The following CCSER1 variants were observed in gnomAD, a reference collection of about 807,000 sequenced individuals.
The protein encoded by CCSER1 is coiled-coil serine rich protein 1, also known as serine-rich coiled-coil domain-containing protein 1.
Under a neutral mutation model 82.0 loss-of-function variants are expected in CCSER1, and 41 were observed. That is an observed-to-expected ratio of 0.50 (90% CI 0.39 to 0.65). The LOEUF is 0.65. Ranked by LOEUF, CCSER1 falls within the 30% of genes least tolerant of loss-of-function variation. CCSER1 has a pLI of 0.00. For synonymous variants in CCSER1, 414 were observed against 383.9 expected (o/e 1.08, Z -0.92); for missense variants, 1,119 against 1,064.2 (o/e 1.05, Z -0.72).
intron 10 of CCSER1, among the ~76,000 whole-genome samples, chr4:91,144,998 G>A (rs1729408178): frequency 6.6e-6 from 1 of 152,006 alleles, no homozygotes; most frequent in Non-Finnish European, 1.5e-5. Context: ...TTGAATTTAA[G>A]TTCAGTATTT....
At chr4:90,213,931 T>G (rs1226605097) in intron 1 of CCSER1, among the ~76,000 whole-genome samples, 2 of 152,158 alleles carry the variant, frequency 1.3e-5, no homozygotes, top group African/African-American at 4.8e-5. Flanking sequence ...TTTGAATGAT[T>G]TAGCCATAAA....
intron 7 of CCSER1, among the ~76,000 whole-genome samples, chr4:90,755,771 G>T (rs549432715): frequency 6.4e-4 from 97 of 152,266 alleles, no homozygotes; most frequent in African/African-American, 2.2e-3. Flanking sequence ...ATTTGTGAAT[G>T]AAAGGACATT....
intron 1 of CCSER1, among the ~76,000 whole-genome samples, chr4:90,240,511 C>G (rs1286526465): frequency 6.6e-6 from 1 of 152,134 alleles, no homozygotes; most frequent in East Asian, 1.9e-4. Flanking sequence ...TGGAAGAGCC[C>G]CTTCCTCCTG....
Position 90,256,246 on chromosome 4 carries a change from C to T in CCSER1, c.-41-51998C>T, listed in dbSNP as rs142355375. ...TCTTCCTGCAGTCTTTGTGACCTGA[C>T]TCATTCTTTCTATTACAAAAATATG... On this transcript the variant is annotated intron_variant, in intron 1 of 10. Transcript: ENST00000509176. 4.9e-4 allele frequency among the ~76,000 whole-genome samples: 74 copies of T among 152,226 alleles called. No homozygotes were observed. In the East Asian group the frequency reaches 0.013, roughly 27 times the overall value.
intron 10 of CCSER1, among the ~76,000 whole-genome samples, chr4:91,551,012 A>G (rs909144608): frequency 2.6e-5 from 4 of 152,148 alleles, no homozygotes; most frequent in African/African-American, 9.7e-5. Context: ...CAGTAGCTCC[A>G]GATATACTCT....
chr4:91,347,989 T>C (rs1748180089), intron 10 of CCSER1, among the ~76,000 whole-genome samples: 1 of 152,058 alleles, frequency 6.6e-6, no homozygotes, highest in African/African-American at 2.4e-5. Flanking sequence ...TCTTATTTCA[T>C]TGGCTGGTAC....
intron 5 of CCSER1, among the ~76,000 whole-genome samples, chr4:90,521,621 G>T (rs1773149599): frequency 6.6e-6 from 1 of 152,012 alleles, no homozygotes; most frequent in Non-Finnish European, 1.5e-5. Flanking sequence ...AAAGCAAATA[G>T]ATGGAAACTG....
intron 10 of CCSER1, among the ~76,000 whole-genome samples, chr4:91,393,567 T>C (rs988340390): frequency 6.6e-5 from 10 of 152,084 alleles, no homozygotes; most frequent in Non-Finnish European, 7.4e-5. Context: ...TGGATATTCG[T>C]TGTCAATCTT....
intron 6 of CCSER1, among the ~76,000 whole-genome samples, chr4:90,694,848 TAA>T (rs1192166231): frequency 1.3e-5 from 2 of 151,100 alleles, no homozygotes; most frequent in Admixed American, 1.3e-4. Flanking sequence ...GAAACCAATT[TAA>T]ATGCTGCATT....
chr4:90,469,599 C>G (rs1764097749), intron 5 of CCSER1, among the ~76,000 whole-genome samples: 1 of 150,294 alleles, frequency 6.7e-6, no homozygotes. Context: ...GTGATATCAC[C>G]ACTCTCTTTG....
At position 90,284,095 on chromosome 4, in the gene CCSER1, T is replaced by C. The variant is rs9654162; in HGVS notation, c.-41-24149T>C. On this transcript the variant is annotated intron_variant, in intron 1 of 10. Coordinates refer to ENST00000509176, the MANE Select transcript of CCSER1 (RefSeq NM_001145065.2). The stretch of plus-strand genomic sequence containing the variant: ...TTAGTGATGTTGAGCAATTTTCATA[T>C]ACCAGTAGGCCATTTTAATGTCTTT... Among the ~76,000 whole-genome samples the C allele has an allele frequency of 7.0e-3, 1,066 of 152,254 alleles. 11 individuals are homozygous for C. The highest frequency in any genetic ancestry group is 0.025 in the African/African-American group (1,019 of 41,572).
chr4:91,140,594 T>C (rs557198458), intron 10 of CCSER1, among the ~76,000 whole-genome samples: 86 of 152,188 alleles, frequency 5.7e-4, no homozygotes, highest in Admixed American at 1.6e-3. Context: ...AAAAAGGAAA[T>C]TTCTTCCATA....
chr4:91,056,696 T>C (rs187749454), intron 9 of CCSER1, among the ~76,000 whole-genome samples: 13 of 152,268 alleles, frequency 8.5e-5, no homozygotes, highest in Non-Finnish European at 1.3e-4. Context: ...TCCAATAATG[T>C]GGTAACTCTG....
At chr4:90,964,205 A>G (rs916922103) in intron 9 of CCSER1, among the ~76,000 whole-genome samples, 1 of 152,224 alleles carries the variant, frequency 6.6e-6, no homozygotes, top group Non-Finnish European at 1.5e-5. Context: ...GCTGATCACA[A>G]CATAGTTCAT....
At chr4:91,183,561 T>C (rs914191970) in intron 10 of CCSER1, among the ~76,000 whole-genome samples, 5 of 152,160 alleles carry the variant, frequency 3.3e-5, no homozygotes, top group Non-Finnish European at 7.4e-5. Context: ...TTTTCCAGGA[T>C]CATATCCATG....
At chr4:90,399,434 TAG>T (rs998735403) in intron 3 of CCSER1, among the ~76,000 whole-genome samples, 72 of 152,234 alleles carry the variant, frequency 4.7e-4, no homozygotes, top group African/African-American at 1.7e-3. Flanking sequence ...TGGCAAATGG[TAG>T]CCAAATTTTC....
At chr4:91,116,971 T>C (rs1726674941) in intron 10 of CCSER1, among the ~76,000 whole-genome samples, 1 of 152,204 alleles carries the variant, frequency 6.6e-6, no homozygotes, top group African/African-American at 2.4e-5. Flanking sequence ...ATTTGTTTGC[T>C]AGAAATAAAT....
At chr4:90,815,896 T>G (rs1200762797) in intron 8 of CCSER1, 51 bp downstream of exon 8, 9 of 1,287,828 alleles carry the variant, frequency 7.0e-6, no homozygotes, top group Non-Finnish European at 8.7e-6. Flanking sequence ...TTCAAGGTTA[T>G]TTGTTCCACG....
chr4:90,832,872 A>C (rs573807939), intron 8 of CCSER1, among the ~76,000 whole-genome samples: 3 of 152,204 alleles, frequency 2.0e-5, no homozygotes, highest in African/African-American at 7.2e-5. Flanking sequence ...TGTAAAGAAT[A>C]TATTTTCTAT....
Sources: allele counts gnomAD v4.1 joint callset (sites outside exome capture counted in the v4.1 genomes callset), GRCh38; gene constraint gnomAD v4.1.1; transcripts MANE v1.5; gene names NCBI Gene and HGNC (gene_info 2026-07-23, HGNC 2026-07-21).